SIAH1: variants seen among roughly 807,000 people sequenced by gnomAD.
The protein encoded by SIAH1 is E3 ubiquitin-protein ligase SIAH1.
Under a neutral mutation model 20.0 loss-of-function variants are expected in SIAH1, and 2 were observed. The ratio of observed to expected loss-of-function variants is 0.10; its 90% confidence interval spans 0.04 to 0.31. SIAH1 has a LOEUF of 0.31. SIAH1 is among the 10% of genes least tolerant of loss of function. The pLI is 1.00. For missense variants in SIAH1, 119 were observed against 355.3 expected, an observed-to-expected ratio of 0.33 and a Z score of 5.35; for synonymous variants, 118 against 125.3, an observed-to-expected ratio of 0.94 and a Z score of 0.39.
chr16:48,379,706 G>A (rs1281976681), intron 1 of SIAH1, among the ~76,000 whole-genome samples: 2 of 152,212 alleles, frequency 1.3e-5, no homozygotes, highest in Non-Finnish European at 2.9e-5. Flanking sequence ...AGGAGGATAT[G>A]TTACAGTGGG....
In SIAH1 at chr16:48,385,223, C is replaced by T. The variant is rs1363751750; in HGVS notation, c.-22G>A. ...ACTTACCTGTGGGCGGAGAGCGCGC[C>T]TCGGACCCCGGTCCTGGCACCAACG... is the stretch of plus-strand genomic sequence containing the variant. On this transcript the variant is annotated 5_prime_UTR_variant, in exon 1 of 2. Coordinates refer to ENST00000394725, the MANE Select transcript of SIAH1 (RefSeq NM_003031.4). 3.1e-6 allele frequency: 1 copy of T among 327,604 alleles called. No homozygotes were observed. The highest frequency in any genetic ancestry group is 2.0e-5 in the South Asian group (1 of 49,066). The allele number at this position is 327,604 out of a possible 1,614,324, so 20.3% of individuals were successfully genotyped here.
At chr16:48,371,798 C>T (rs1362681242) in intron 1 of SIAH1, among the ~76,000 whole-genome samples, 1 of 152,212 alleles carries the variant, frequency 6.6e-6, no homozygotes, top group Non-Finnish European at 1.5e-5. Flanking sequence ...TATCTGAATA[C>T]AGCCATTTAC....
chr16:48,374,988 G>A (rs148263621), intron 1 of SIAH1, among the ~76,000 whole-genome samples: 1 of 152,148 alleles, frequency 6.6e-6, no homozygotes, highest in Non-Finnish European at 1.5e-5. Context: ...CAATAGAGGC[G>A]TGTTATTTAA....
At chr16:48,379,862 AG>A (rs2151054240) in intron 1 of SIAH1, among the ~76,000 whole-genome samples, 1 of 152,314 alleles carries the variant, frequency 6.6e-6, no homozygotes, top group African/African-American at 2.4e-5. Flanking sequence ...CCAAAATGGC[AG>A]GGGAGTAACA....
At chr16:48,368,523 T>C (rs1460723150) in intron 1 of SIAH1, among the ~76,000 whole-genome samples, 2 of 152,182 alleles carry the variant, frequency 1.3e-5, no homozygotes, top group South Asian at 2.1e-4. Flanking sequence ...TGGTGATACT[T>C]TGTCTCTACT....
At chr16:48,385,968 C>T (rs1961454368), upstream of SIAH1, among the ~76,000 whole-genome samples, 1 of 152,216 alleles carries the variant, frequency 6.6e-6, no homozygotes, top group Admixed American at 6.5e-5. Context: ...GAGGTTGAGC[C>T]GCTCCTCAGC....
At chr16:48,379,606 C>A (rs1199503114) in intron 1 of SIAH1, among the ~76,000 whole-genome samples, 1 of 152,166 alleles carries the variant, frequency 6.6e-6, no homozygotes, top group East Asian at 1.9e-4. Flanking sequence ...CAGAAAGAGT[C>A]CTAAACTCTT....
chr16:48,365,830 G>C, intron 1 of SIAH1: 1 of 1,249,046 alleles, frequency 8.0e-7, no homozygotes, highest in Non-Finnish European at 1.0e-6. Flanking sequence ...CGGATGCAGG[G>C]GGCGACGCGC....
intron 1 of SIAH1, among the ~76,000 whole-genome samples, chr16:48,372,817 A>G (rs1961019174): frequency 6.6e-6 from 1 of 152,238 alleles, no homozygotes; most frequent in African/African-American, 2.4e-5. Flanking sequence ...GTGCAGTTTT[A>G]AGACTAAAAT....
intron 1 of SIAH1, among the ~76,000 whole-genome samples, chr16:48,383,367 TGA>T (rs1172046782): frequency 1.3e-5 from 2 of 152,216 alleles, no homozygotes; most frequent in African/African-American, 4.8e-5. Context: ...TAATCTACTT[TGA>T]GTCTCAAGAT....
intron 1 of SIAH1, among the ~76,000 whole-genome samples, chr16:48,372,038 ACAG>A (rs1341883527): frequency 3.3e-5 from 5 of 152,208 alleles, no homozygotes; most frequent in South Asian, 2.1e-4. Context: ...AAAAAATTTT[ACAG>A]CAGATCAAAA....
chr16:48,365,929 G>A, intron 1 of SIAH1: 3 of 1,219,136 alleles, frequency 2.5e-6, no homozygotes, highest in Non-Finnish European at 3.1e-6. Context: ...GCCTCGGCCG[G>A]GGCTGGGCCT....
At position 48,369,347 on chromosome 16, in the gene SIAH1, G is replaced by A. The variant is rs9936892; in HGVS notation, c.-2-6917C>T. Among the ~76,000 whole-genome samples the A allele has an allele frequency of 6.0e-3, 916 of 152,298 alleles. 6 individuals carry two copies. Among genetic ancestry groups the A allele is most frequent in the African/African-American group, 0.021 (878 of 41,554 alleles). On this transcript the variant is annotated intron_variant, in intron 1 of 1. Coordinates refer to ENST00000394725, the MANE Select transcript of SIAH1 (RefSeq NM_003031.4). Reference sequence around the variant, plus strand: ...AAACCCAGGAAAGCTGCTGTCAACAGAAGACAAAGAGGAAAGGCAAATCCC... The same window carrying A: ...AAACCCAGGAAAGCTGCTGTCAACAAAAGACAAAGAGGAAAGGCAAATCCC...
chr16:48,384,189 T>C (rs1032815246), intron 1 of SIAH1, among the ~76,000 whole-genome samples: 3 of 152,166 alleles, frequency 2.0e-5, no homozygotes, highest in Non-Finnish European at 2.9e-5. Context: ...CAAAGGTAAA[T>C]GCTCAACTGC....
At chr16:48,379,109 C>T (rs1266594825) in intron 1 of SIAH1, among the ~76,000 whole-genome samples, 2 of 152,216 alleles carry the variant, frequency 1.3e-5, no homozygotes, top group Admixed American at 6.5e-5. Context: ...TCTCTGCTCT[C>T]ATGGAACTTA....
chr16:48,374,018 G>A (rs1961043853), intron 1 of SIAH1, among the ~76,000 whole-genome samples: 1 of 152,110 alleles, frequency 6.6e-6, no homozygotes, highest in African/African-American at 2.4e-5. Flanking sequence ...CACTCACTCA[G>A]ACCCTCTATT....
intron 1 of SIAH1, among the ~76,000 whole-genome samples, chr16:48,384,433 T>C (rs1257176730): frequency 6.6e-6 from 1 of 152,132 alleles, no homozygotes; most frequent in African/African-American, 2.4e-5. Context: ...AAGTTATAAA[T>C]TTGGGAGAGT....
intron 1 of SIAH1, among the ~76,000 whole-genome samples, chr16:48,379,313 GA>G (rs1961196620): frequency 1.3e-5 from 2 of 152,314 alleles, no homozygotes; most frequent in South Asian, 4.1e-4. Context: ...CTAAGGCTTA[GA>G]GAGGTTCAGT....
Position 48,362,696 on chromosome 16 carries a change from TAC to T in SIAH1, c.-2-268_-2-267del. The T allele has an allele frequency of 2.9e-6, 1 of 342,116 alleles. No homozygotes were observed. The highest frequency in any genetic ancestry group is 5.6e-6 in the Non-Finnish European group (1 of 177,884). 21.2% of individuals were successfully genotyped at this position (342,116 alleles called of 1,614,324 possible). On this transcript the variant is annotated intron_variant, in intron 1 of 1. Coordinates refer to ENST00000394725, the MANE Select transcript of SIAH1 (RefSeq NM_003031.4). This position sits in a 1 kb window ranked among gnomAD's most constrained non-coding sequence, Gnocchi z 4.2. The stretch of plus-strand genomic sequence containing the variant: ...CTCCCTTAATCGTCTTTGGATAGAC[TAC>T]ATAGAATAATAAATGCTAAAATAGA...
Sources: gnomAD v4.1 joint callset for allele counts (sites outside exome capture counted in the v4.1 genomes callset) on GRCh38, gnomAD v4.1.1 for gene constraint, Gnocchi (gnomAD v3.1) non-coding constraint, MANE v1.5 for transcripts, NCBI Gene and HGNC (gene_info 2026-07-23, HGNC 2026-07-21) for gene names.